The following IYD variants were observed in gnomAD, a reference collection of about 807,000 sequenced individuals.
The protein encoded by IYD is iodotyrosine deiodinase.
In IYD, 25 loss-of-function variants were observed where a neutral mutation model predicts 28.4. The ratio of observed to expected loss-of-function variants is 0.88; its 90% confidence interval spans 0.64 to 1.23. The LOEUF (loss-of-function observed/expected upper bound fraction) is 1.23, where lower values mean the gene tolerates loss of function less well. Among genes scored for constraint, IYD ranks in the 50% most tolerant of loss-of-function variants. The probability of loss-of-function intolerance (pLI) is 0.00; values close to 1 mark genes in which losing one functional copy is unlikely to be tolerated. For synonymous variants in IYD, 140 were observed against 130.8 expected (o/e 1.07, Z -0.48); for missense variants, 352 against 357.9 (o/e 0.98, Z 0.13).
intron 2 of IYD, among the ~76,000 whole-genome samples, chr6:150,390,009 T>C (rs1380730344): frequency 1.3e-5 from 2 of 152,210 alleles, no homozygotes; most frequent in African/African-American, 2.4e-5. Context: ...AGTTTACTTA[T>C]GTAAATTTGC....
At chr6:150,392,295 T>G (rs1278630612) in intron 2 of IYD, 50 bp from the exon 3 acceptor site, 1 of 1,610,524 alleles carries the variant, frequency 6.2e-7, no homozygotes. Context: ...ATTAGCAGTC[T>G]CACACTTTCC....
At chr6:150,394,401 A>G (rs1362947791) in intron 4 of IYD, 146 bp downstream of exon 4, 1 of 830,170 alleles carries the variant, frequency 1.2e-6, no homozygotes, top group Non-Finnish European at 2.0e-6. Flanking sequence ...GACTCTGGAA[A>G]CCTGGATTGG....
At chr6:150,377,451 C>T (rs949091067) in intron 1 of IYD, among the ~76,000 whole-genome samples, 25 of 152,304 alleles carry the variant, frequency 1.6e-4, no homozygotes, top group African/African-American at 5.8e-4. Context: ...ACCTTCTGCC[C>T]TGTGAAAGGC....
rs1016823011 is a variant in IYD at position 150,400,075 on chromosome 6, C to T, written c.*1838C>T. On this transcript the variant is annotated 3_prime_UTR_variant, in exon 5 of 5. Transcript: ENST00000344419. Reference sequence around the variant, plus strand: ...CTGCAAGGCAGCCCTGCTTGGGATTCAGGTGAACAAATGTAACGTGGGTGG... The same window carrying T: ...CTGCAAGGCAGCCCTGCTTGGGATTTAGGTGAACAAATGTAACGTGGGTGG... The T allele has an allele frequency of 6.6e-6, 1 of 152,256 alleles. No individual in the cohort carries two copies. The highest frequency in any genetic ancestry group is 2.4e-5 in the African/African-American group (1 of 41,456). The allele number at this position is 152,256 out of a possible 1,614,324, so 9.4% of individuals were successfully genotyped here.
Position 150,398,334 on chromosome 6 carries a change from A to C in IYD, c.*97A>C, listed in dbSNP as rs1296421174. The C allele has an allele frequency of 8.3e-7, 1 of 1,202,206 alleles. No homozygotes were observed. The highest frequency in any genetic ancestry group is 1.5e-5 in the African/African-American group (1 of 65,732). The allele number at this position is 1,202,206 out of a possible 1,614,324, so 74.5% of individuals were successfully genotyped here. On this transcript the variant is annotated 3_prime_UTR_variant, in exon 5 of 5. Transcript: ENST00000344419. The stretch of plus-strand genomic sequence containing the variant: ...TGGGTCTCTTGGCTGCTCTTTCTCC[A>C]GGTGTCAGGTCCCCTCATTGCTCTT...
At chr6:150,390,922 G>A (rs959633939) in intron 2 of IYD, among the ~76,000 whole-genome samples, 2 of 152,128 alleles carry the variant, frequency 1.3e-5, no homozygotes, top group African/African-American at 2.4e-5. Flanking sequence ...ATGGCCGTGC[G>A]TATTGAGTAC....
chr6:150,377,256 C>T (rs1777479020), intron 1 of IYD, among the ~76,000 whole-genome samples: 2 of 152,096 alleles, frequency 1.3e-5, no homozygotes, highest in African/African-American at 4.8e-5. Context: ...TTGAATAATC[C>T]CTAGTGGCTC....
At position 150,404,029 on chromosome 6, in the gene IYD, G is replaced by T. The variant is rs532894098; in HGVS notation, c.*5792G>T. 6.6e-6 allele frequency: 1 copy of T among 152,316 alleles called. No individual in the cohort carries two copies. Among genetic ancestry groups the T allele is most frequent in the African/African-American group, 2.4e-5 (1 of 41,572 alleles). The allele number at this position is 152,316 out of a possible 1,614,324, so 9.4% of individuals were successfully genotyped here. Reference sequence around the variant, plus strand: ...ACCCTCTGAAGGGTGAAAACTGGGAGCCTCCTGTTCCCATAGTAACCACAG... The same window carrying T: ...ACCCTCTGAAGGGTGAAAACTGGGATCCTCCTGTTCCCATAGTAACCACAG... On this transcript the variant is annotated 3_prime_UTR_variant, in exon 5 of 5. Coordinates refer to ENST00000344419, the MANE Select transcript of IYD (RefSeq NM_203395.3).
intron 1 of IYD, among the ~76,000 whole-genome samples, chr6:150,381,223 T>G (rs1435493498): frequency 6.6e-6 from 1 of 152,210 alleles, no homozygotes; most frequent in African/African-American, 2.4e-5. Context: ...AAATATTGGT[T>G]TTGCTATTGT....
intron 1 of IYD, chr6:150,385,034 A>G (rs140068438): frequency 6.6e-6 from 1 of 152,290 alleles, no homozygotes; most frequent in East Asian, 1.9e-4. Flanking sequence ...TCAACTACTG[A>G]TAATGAGCTT....
At chr6:150,370,207 ATGTGTGTGTGCGCGTGCG>A (rs2115007261) in intron 1 of IYD, among the ~76,000 whole-genome samples, 1 of 146,406 alleles carries the variant, frequency 6.8e-6, no homozygotes, top group Admixed American at 6.7e-5. Flanking sequence ...ATGAATGTGC[ATGTGTGTGTGCGCGTGCG>A]TGTGTGTGTG....
intron 1 of IYD, among the ~76,000 whole-genome samples, chr6:150,378,208 T>A (rs1021239790): frequency 1.3e-5 from 2 of 151,764 alleles, no homozygotes; most frequent in African/African-American, 4.9e-5. Context: ...CTTTAAGTTT[T>A]AGGGTACATG....
rs1778527963 is a variant in IYD, at chr6:150,402,087, T to TG, written c.*3854dup. ...ATTGGGTACCACATTTTGAGAACCA[T>TG]GGGGCATTGGCAATCAACAAATGCA... On this transcript the variant is annotated 3_prime_UTR_variant, in exon 5 of 5. Transcript: ENST00000344419. 2 of 152,192 alleles carry TG rather than the reference T, an allele frequency of 1.3e-5. No homozygotes were observed. The highest frequency in any genetic ancestry group is 2.9e-5 in the Non-Finnish European group (2 of 68,030). The allele number at this position is 152,192 out of a possible 1,614,324, so 9.4% of individuals were successfully genotyped here.
At position 150,397,967 on chromosome 6, in the gene IYD, T is replaced by A. The variant is rs960631686; in HGVS notation, c.688-88T>A. The stretch of plus-strand genomic sequence containing the variant: ...AGGGAAATGATAGGAAGAGCAGGTA[T>A]AATCAGGACAAGAAGGTCCCCAGGT... On this transcript the variant is annotated intron_variant, in intron 4 of 4. Transcript: ENST00000344419. 12 of 1,263,458 alleles carry A rather than the reference T, an allele frequency of 9.5e-6. No homozygotes were observed. In the African/African-American group the frequency reaches 1.3e-4, roughly 14 times the overall value. The allele number at this position is 1,263,458 out of a possible 1,614,324, so 78.3% of individuals were successfully genotyped here.
intron 1 of IYD, among the ~76,000 whole-genome samples, chr6:150,376,626 C>CTTCTT (rs372946330): frequency 0.019 from 2,914 of 152,168 alleles, 95 homozygotes; most frequent in African/African-American, 0.067. Context: ...TCTTCATCTT[C>CTTCTT]TTCTTTTCTT....
chr6:150,380,000 G>A (rs1262481806), intron 1 of IYD, among the ~76,000 whole-genome samples: 1 of 152,088 alleles, frequency 6.6e-6, no homozygotes, highest in Non-Finnish European at 1.5e-5. Context: ...TCTGTCTTTT[G>A]TGAATTCATT....
At chr6:150,389,317 A>G (rs761374942) in intron 1 of IYD, 35 bp from the exon 2 acceptor site, 9 of 1,564,172 alleles carry the variant, frequency 5.8e-6, no homozygotes, top group African/African-American at 1.4e-5. Context: ...CCAAGGGATC[A>G]TTTAGTTTGT....
rs1334906204 is a variant in IYD, at chr6:150,401,831, C to T, written c.*3594C>T. 2 of 152,166 alleles carry T rather than the reference C, an allele frequency of 1.3e-5. No individual in the cohort carries two copies. Among genetic ancestry groups the T allele is most frequent in the East Asian group, 3.9e-4 (2 of 5,190 alleles). 9.4% of individuals were successfully genotyped at this position (152,166 alleles called of 1,614,324 possible). On this transcript the variant is annotated 3_prime_UTR_variant, in exon 5 of 5. Coordinates refer to ENST00000344419, the MANE Select transcript of IYD (RefSeq NM_203395.3). ...TGGTTTGTGTCTTACTAATAGGACT[C>T]ACCTGAAGACTCTACTTTGCCAAGA... is the stretch of plus-strand genomic sequence containing the variant.
chr6:150,379,974 C>G (rs1043507196), intron 1 of IYD, among the ~76,000 whole-genome samples: 1 of 152,186 alleles, frequency 6.6e-6, no homozygotes, highest in Admixed American at 6.5e-5. Context: ...TTTTGTATGG[C>G]TTTTTCTCCT....
Sources: gnomAD v4.1 joint callset for allele counts (sites outside exome capture counted in the v4.1 genomes callset) on GRCh38, gnomAD v4.1.1 for gene constraint, MANE v1.5 for transcripts, NCBI Gene and HGNC (gene_info 2026-07-23, HGNC 2026-07-21) for gene names.